The following FIGN variants were observed in gnomAD, a reference collection of about 807,000 sequenced individuals.
The protein encoded by FIGN is fidgetin, microtubule severing factor, also known as fidgetin.
In FIGN, 11 loss-of-function variants were observed where a neutral mutation model predicts 51.3. That is an observed-to-expected ratio of 0.21 (90% CI 0.13 to 0.35). The LOEUF (loss-of-function observed/expected upper bound fraction) is 0.35, where lower values mean the gene tolerates loss of function less well. Ranked by LOEUF, FIGN falls within the 10% of genes least tolerant of loss-of-function variation. The probability of loss-of-function intolerance (pLI) is 1.00; values close to 1 mark genes in which losing one functional copy is unlikely to be tolerated. For missense variants in FIGN, 857 were observed against 943.6 expected (o/e 0.91, Z 1.20); for synonymous variants, 407 against 363.2 (o/e 1.12, Z -1.37).
At chr2:163,646,856 G>C (rs772257114) in intron 2 of FIGN, among the ~76,000 whole-genome samples, 18 of 152,282 alleles carry the variant, frequency 1.2e-4, no homozygotes, top group Non-Finnish European at 2.5e-4. Flanking sequence ...TAGCAGATAG[G>C]CTTGGTGACA....
At chr2:163,625,317 C>T (rs1683038061) in intron 2 of FIGN, among the ~76,000 whole-genome samples, 1 of 151,838 alleles carries the variant, frequency 6.6e-6, no homozygotes, top group South Asian at 2.1e-4. Context: ...AAAAAATGGA[C>T]ATTCTGAAAG....
At chr2:163,680,978 A>G (rs2105339054) in intron 2 of FIGN, among the ~76,000 whole-genome samples, 1 of 152,328 alleles carries the variant, frequency 6.6e-6, no homozygotes, top group African/African-American at 2.4e-5. Context: ...TAAGGTACTA[A>G]TAGGAATTAT....
intron 2 of FIGN, among the ~76,000 whole-genome samples, chr2:163,614,926 G>A (rs1277705725): frequency 6.6e-6 from 1 of 152,056 alleles, no homozygotes; most frequent in Admixed American, 6.6e-5. Context: ...ATTTTAATAA[G>A]TTATAATCAC....
At chr2:163,650,636 G>C (rs918430327) in intron 2 of FIGN, among the ~76,000 whole-genome samples, 1 of 151,558 alleles carries the variant, frequency 6.6e-6, no homozygotes, top group Non-Finnish European at 1.5e-5. Context: ...TGAGAACATC[G>C]ATGTTTGGTT....
chr2:163,669,778 G>A (rs1456787282), intron 2 of FIGN, among the ~76,000 whole-genome samples: 3 of 152,082 alleles, frequency 2.0e-5, no homozygotes, highest in East Asian at 1.9e-4. Context: ...CTTAATATAC[G>A]TCAAGATGTT....
chr2:163,719,232 A>C (rs952619637), intron 2 of FIGN, among the ~76,000 whole-genome samples: 5 of 152,164 alleles, frequency 3.3e-5, no homozygotes, highest in African/African-American at 1.2e-4. Context: ...TTATTTCTTA[A>C]GTGAATAAAA....
At position 163,604,138 on chromosome 2, in the gene FIGN, G is replaced by C. The variant is rs1474596247; in HGVS notation, c.*5414C>G. On this transcript the variant is annotated 3_prime_UTR_variant, in exon 3 of 3. Coordinates refer to ENST00000333129, the MANE Select transcript of FIGN (RefSeq NM_018086.4). ...TCAGGAGTCACAGAATTAAAATGAA[G>C]GCATTTTCAATCACTGAAGACTATA... The C allele has an allele frequency of 2.0e-5, 3 of 151,970 alleles. No individual in the cohort carries two copies. The highest frequency in any genetic ancestry group is 4.4e-5 in the Non-Finnish European group (3 of 67,956). 9.4% of individuals were successfully genotyped at this position (151,970 alleles called of 1,614,324 possible).
chr2:163,614,227 TG>T (rs1331094655), intron 2 of FIGN, among the ~76,000 whole-genome samples: 2 of 152,018 alleles, frequency 1.3e-5, no homozygotes, highest in Non-Finnish European at 2.9e-5. Context: ...CACCGCAAAA[TG>T]GGTGAAATGA....
chr2:163,653,638 T>A (rs1683512079), intron 2 of FIGN, among the ~76,000 whole-genome samples: 1 of 152,084 alleles, frequency 6.6e-6, no homozygotes, highest in Non-Finnish European at 1.5e-5. Flanking sequence ...CTAATGCTAA[T>A]GTTTTATATC....
chr2:163,636,928 A>C (rs1200546816), intron 2 of FIGN, among the ~76,000 whole-genome samples: 1 of 152,130 alleles, frequency 6.6e-6, no homozygotes, highest in Non-Finnish European at 1.5e-5. Context: ...AAATACAAAA[A>C]ATTAGCCAGG....
At chr2:163,670,177 C>T (rs13419652) in intron 2 of FIGN, among the ~76,000 whole-genome samples, 7,029 of 152,116 alleles carry the variant, frequency 0.046, 514 homozygotes, top group African/African-American at 0.15. Context: ...AAATGTGATC[C>T]TTTTTAAATT....
chr2:163,734,540 GC>G, intron 2 of FIGN, among the ~76,000 whole-genome samples: 1 of 82,588 alleles, frequency 1.2e-5, no homozygotes, highest in East Asian at 3.7e-4. Context: ...TCTCCCCTTT[GC>G]CCAGCCTCCC....
intron 2 of FIGN, among the ~76,000 whole-genome samples, chr2:163,689,128 C>A (rs1684198956): frequency 6.7e-6 from 1 of 149,930 alleles, no homozygotes; most frequent in Non-Finnish European, 1.5e-5. Flanking sequence ...CCACTGCACT[C>A]CAGCCTGGAT....
chr2:163,710,152 A>G (rs753787207), intron 2 of FIGN, among the ~76,000 whole-genome samples: 13 of 152,282 alleles, frequency 8.5e-5, no homozygotes, highest in South Asian at 6.2e-4. Flanking sequence ...ACTGGTCATT[A>G]GTGTTCCAGC....
chr2:163,717,649 T>C (rs532682444), intron 2 of FIGN, among the ~76,000 whole-genome samples: 10 of 152,260 alleles, frequency 6.6e-5, no homozygotes, highest in African/African-American at 2.2e-4. Flanking sequence ...ATATCAGAAG[T>C]GTTGCAAGTA....
At position 163,610,225 on chromosome 2, in the gene FIGN, C is replaced by A; in HGVS notation, c.1607G>T (p.Gly536Val). 6.2e-7 allele frequency: 1 copy of A among 1,614,080 alleles called. No homozygotes were observed. The highest frequency in any genetic ancestry group is 8.5e-7 in the Non-Finnish European group (1 of 1,180,012). ...CCCCAGCTGACTAGCGATGCATCTG[C>A]CCAATAATGTTTTGCCTGTCCCCCG... ...GPRGTGKTLLGRCIASQLGAT... is the reference protein window; with the variant it reads ...GPRGTGKTLLVRCIASQLGAT... Residue 536 changes from glycine to valine, a missense_variant, in exon 3 of 3, where the codon GGC becomes GTC. Transcript: ENST00000333129.
intron 2 of FIGN, among the ~76,000 whole-genome samples, chr2:163,658,599 G>A (rs181220714): frequency 6.6e-6 from 1 of 152,226 alleles, no homozygotes; most frequent in East Asian, 1.9e-4. Context: ...CATCTGACAT[G>A]GCAAGAAAGA....
chr2:163,714,764 G>C (rs965107108), intron 2 of FIGN, among the ~76,000 whole-genome samples: 2 of 152,186 alleles, frequency 1.3e-5, no homozygotes, highest in Non-Finnish European at 1.5e-5. Context: ...GCAGCTTCTT[G>C]AAAATTAATC....
chr2:163,669,650 TA>T (rs1225388467), intron 2 of FIGN, among the ~76,000 whole-genome samples: 2 of 152,224 alleles, frequency 1.3e-5, no homozygotes, highest in Admixed American at 6.5e-5. Context: ...CAAAGCTGAA[TA>T]AAACAATTTC....
Sources: gnomAD v4.1 joint callset for allele counts (sites outside exome capture counted in the v4.1 genomes callset) on GRCh38, gnomAD v4.1.1 for gene constraint, MANE v1.5 for transcripts, NCBI Gene and HGNC (gene_info 2026-07-23, HGNC 2026-07-21) for gene names.